The following NOC2L variants were observed in gnomAD, a reference collection of about 807,000 sequenced individuals.
The protein encoded by NOC2L is nucleolar complex protein 2 homolog.
Under a neutral mutation model 94.2 loss-of-function variants are expected in NOC2L, and 101 were observed. The observed-to-expected ratio is 1.07, with a 90% confidence interval of 0.91 to 1.26. The LOEUF (loss-of-function observed/expected upper bound fraction) is 1.26. Ranked by LOEUF, NOC2L falls within the 50% of genes most tolerant of loss-of-function variation. NOC2L has a pLI of 0.00. For synonymous variants in NOC2L, 531 were observed against 413.4 expected, an observed-to-expected ratio of 1.28 and a Z score of -3.45; for missense variants, 1,076 against 980.1, an observed-to-expected ratio of 1.10 and a Z score of -1.31.
chr1:951,258 G>A lies in NOC2L; in HGVS notation c.1332-20C>T. 6.5e-7 allele frequency: 1 copy of A among 1,537,746 alleles called. No homozygotes were observed. Among genetic ancestry groups the A allele is most frequent in the Non-Finnish European group, 8.8e-7 (1 of 1,132,076 alleles). ...ATGAGCCTGGGGGTGGGAAGGCCGA[G>A]TGAGCAGAGGCCCCGGCTCTGGCAG... On this transcript the variant is annotated intron_variant, in intron 11 of 18. Transcript: ENST00000327044.
intron 8 of NOC2L, among the ~76,000 whole-genome samples, 160 bp from the exon 9 acceptor site, chr1:953,448 T>C (rs568519705): frequency 2.7e-4 from 41 of 152,322 alleles, no homozygotes; most frequent in Admixed American, 6.5e-4. Context: ...GTTACAGAAG[T>C]GAACAGAACA....
At chr1:953,688 C>G in intron 8 of NOC2L, 94 bp downstream of exon 8, 1 of 933,898 alleles carries the variant, frequency 1.1e-6, no homozygotes, top group East Asian at 2.5e-5. Context: ...GTGTGGGCAC[C>G]ACCTGTGCCC....
In NOC2L at chr1:944,453, T is replaced by TC; in HGVS notation, c.*240dup. 4 of 862,286 alleles carry TC rather than the reference T, an allele frequency of 4.6e-6. No individual in the cohort carries two copies. Among genetic ancestry groups the TC allele is most frequent in the East Asian group, 3.1e-5 (1 of 32,232 alleles). 53.4% of individuals were successfully genotyped at this position (862,286 alleles called of 1,614,324 possible). A position where few individuals can be genotyped will look rare whatever the true frequency, so the allele number is the denominator to read the frequency against. ...TCGGTCTGCTGACGTCAGGGTCAGC[T>TC]CCCCCGCGGAGCTGACTTCAGCAGC... On this transcript the variant is annotated 3_prime_UTR_variant, in exon 19 of 19. Coordinates refer to ENST00000327044, the MANE Select transcript of NOC2L (RefSeq NM_015658.4).
chr1:956,264 TGGCAGAGTGGAAA>T (rs1228666317), intron 4 of NOC2L, 49 bp from the exon 5 acceptor site: 1 of 1,603,810 alleles, frequency 6.2e-7, no homozygotes, highest in Non-Finnish European at 8.5e-7. Context: ...AGACTGCACT[TGGCAGAGTGGAAA>T]CGGCAGCCCC....
In NOC2L at chr1:953,742, G is replaced by A. The variant is rs571042358; in HGVS notation, c.888+40C>T. 2.0e-5 allele frequency: 29 copies of A among 1,462,968 alleles called. No individual in the cohort carries two copies. In the Middle Eastern group the frequency reaches 6.9e-4, roughly 35 times the overall value. The allele number at this position is 1,462,968 out of a possible 1,614,324, so 90.6% of individuals were successfully genotyped here. Reference sequence around the variant, plus strand: ...GGTGGGGGTAGCCGTGTGGCCCCCCGACCCCATGACAGACACAGGGAGGGG... The same window carrying A: ...GGTGGGGGTAGCCGTGTGGCCCCCCAACCCCATGACAGACACAGGGAGGGG... On this transcript the variant is annotated intron_variant, in intron 8 of 18. Coordinates refer to ENST00000327044, the MANE Select transcript of NOC2L (RefSeq NM_015658.4).
chr1:945,517 CCT>C lies in NOC2L; in HGVS notation c.2052_2053del (p.Gly685AspfsTer15), dbSNP rs749856860. 4 of 1,613,656 alleles carry C rather than the reference CCT, an allele frequency of 2.5e-6. No individual in the cohort carries two copies. The highest frequency in any genetic ancestry group is 2.5e-6 in the Non-Finnish European group (3 of 1,179,806). On this transcript the variant is annotated frameshift_variant and splice_region_variant, in exon 17 of 19. Coordinates refer to ENST00000327044, the MANE Select transcript of NOC2L (RefSeq NM_015658.4). LOFTEE classifies it high-confidence loss of function. The stretch of plus-strand genomic sequence containing the variant: ...CCCTGGGAGCACCACGCAGGCCCCA[CCT>C]CTCTCCGAGAATCCCTCGGTGTCGT...
Position 945,524 on chromosome 1 carries a change from C to A in NOC2L, c.2047G>T (p.Glu683Ter). Residue 683 changes from glutamate to a stop codon, truncating the protein, a stop_gained, in exon 17 of 19, where the codon GAG (glutamate) becomes TAG (stop). Transcript: ENST00000327044. LOFTEE classifies it high-confidence loss of function. Reference protein sequence around the residue: ...SEEDDTEGFSERGILRPLSTR... With the variant: ...SEEDDTEGFS ...AGCACCACGCAGGCCCCACCTCTCT[C>A]CGAGAATCCCTCGGTGTCGTCCTCT... 1 of 1,613,776 alleles carries A rather than the reference C, an allele frequency of 6.2e-7. No individual in the cohort carries two copies. The highest frequency in any genetic ancestry group is 8.5e-7 in the Non-Finnish European group (1 of 1,179,818).
intron 14 of NOC2L, 72 bp downstream of exon 14, chr1:948,059 C>T: frequency 1.6e-6 from 2 of 1,264,670 alleles, no homozygotes; most frequent in Non-Finnish European, 2.2e-6. Context: ...CACCTCCTAC[C>T]AGCCTGGGGC....
At chr1:946,696 C>T (rs933228224) in intron 14 of NOC2L, 151 bp from the exon 15 acceptor site, 2 of 902,902 alleles carry the variant, frequency 2.2e-6, no homozygotes, top group Admixed American at 2.7e-5. Flanking sequence ...ATAGCTGTTG[C>T]AGCTGGGATG....
chr1:954,072 G>C lies in NOC2L; in HGVS notation c.709C>G (p.Pro237Ala). ...VAKDSSRMLQ[P>A]SSSPLWGKLR... is the part of the protein sequence containing the mutation. Reference sequence around the variant, plus strand: ...TTCCCCCAGAGCGGGCTGCTGGACGGCTGCAGCATCCTGCAGAGAGACCAC... The same window carrying C: ...TTCCCCCAGAGCGGGCTGCTGGACGCCTGCAGCATCCTGCAGAGAGACCAC... Residue 237 changes from proline (P) to alanine (A), a missense_variant, in exon 7 of 19, where the codon CCG becomes GCG. Coordinates refer to ENST00000327044, the MANE Select transcript of NOC2L (RefSeq NM_015658.4). 1.2e-6 allele frequency: 2 copies of C among 1,611,308 alleles called. No homozygotes were observed. The highest frequency in any genetic ancestry group is 8.5e-7 in the Non-Finnish European group (1 of 1,178,512).
intron 11 of NOC2L, among the ~76,000 whole-genome samples, chr1:951,441 A>G (rs919131835): frequency 2.1e-5 from 3 of 145,376 alleles, no homozygotes; most frequent in Non-Finnish European, 3.0e-5. Context: ...TTATTTCAAC[A>G]CGGTGGCAGG....
rs534618296 is a variant in NOC2L at position 944,788 on chromosome 1, T to A, written c.2156A>T (p.Asp719Val). 1.9e-5 allele frequency: 31 copies of A among 1,590,302 alleles called. No individual in the cohort carries two copies. The Admixed American group carries it at 3.5e-4, about 18-fold the overall frequency. Residue 719 changes from aspartate (D) to valine (V), a missense_variant, in exon 19 of 19, where the codon GAC (aspartate) becomes GTC (valine). Transcript: ENST00000327044. ...CCCAGGGGCCAGCCCCGCCTCTGCG[T>A]CTGGGTCTCCATCTGCGGGGAGAGA... is the stretch of plus-strand genomic sequence containing the variant. ...DSSNSEDGDP[D>V]AEAGLAPGEL...
In NOC2L at chr1:952,151, G is replaced by A. The variant is rs1642277065; in HGVS notation, c.1192-12C>T. On this transcript the variant is annotated splice_polypyrimidine_tract_variant and intron_variant, in intron 10 of 18. Transcript: ENST00000327044. ...GACTGGTATGTTTCCTGGTCAGAGA[G>A]AACCACGTCAGCTACTGGCCAGGCT... 1 of 1,613,334 alleles carries A rather than the reference G, an allele frequency of 6.2e-7. No homozygotes were observed. The highest frequency in any genetic ancestry group is 8.5e-7 in the Non-Finnish European group (1 of 1,179,892).
At chr1:945,226 G>A (rs1216309019) in intron 17 of NOC2L, 80 bp from the exon 18 acceptor site, 16 of 1,498,140 alleles carry the variant, frequency 1.1e-5, no homozygotes, top group Non-Finnish European at 1.3e-5. Flanking sequence ...CAGGAGGGTG[G>A]CCAGGCTCCC....
chr1:958,650 C>T (rs764328756), intron 2 of NOC2L: 2 of 648,880 alleles, frequency 3.1e-6, no homozygotes, highest in Non-Finnish European at 2.9e-6. Flanking sequence ...TTCTACCGAA[C>T]TGCAGGCGGT....
At chr1:952,336 G>C in intron 10 of NOC2L, 76 bp downstream of exon 10, 5 of 1,551,796 alleles carry the variant, frequency 3.2e-6, no homozygotes, top group Admixed American at 3.5e-5. Flanking sequence ...GGAGGCCCCA[G>C]GCCCTGCCTT....
chr1:946,984 G>C (rs1642132614), intron 14 of NOC2L: 1 of 174,418 alleles, frequency 5.7e-6, no homozygotes, highest in Admixed American at 5.7e-5. Context: ...TTGAGCCCAG[G>C]AGATGGAGAT....
At position 951,235 on chromosome 1, in the gene NOC2L, G is replaced by A; in HGVS notation, c.1335C>T (p.Leu445=). Residue 445 remains leucine, a synonymous_variant, in exon 12 of 19, where the codon CTC becomes CTT. Coordinates refer to ENST00000327044, the MANE Select transcript of NOC2L (RefSeq NM_015658.4). Reference sequence around the variant, plus strand: ...GCGGGTAGAAGCGGGCAGTGGGGATGAGCCTGGGGGTGGGAAGGCCGAGTG... The same window carrying A: ...GCGGGTAGAAGCGGGCAGTGGGGATAAGCCTGGGGGTGGGAAGGCCGAGTG... ...LAQVIIGCIK[L]IPTARFYPLR... 6.3e-7 allele frequency: 1 copy of A among 1,577,850 alleles called. No individual in the cohort carries two copies. The highest frequency in any genetic ancestry group is 1.2e-5 in the South Asian group (1 of 86,234).
chr1:948,730 C>CCTTTGGCCCTGCACCTGGCTGCACCCTGG, intron 12 of NOC2L, 127 bp from the exon 13 acceptor site: 1 of 668,466 alleles, frequency 1.5e-6, no homozygotes, highest in Non-Finnish European at 2.7e-6. Flanking sequence ...CACCCTGGTC[C>CCTTTGGCCCTGCACCTGGCTGCACCCTGG]TCAGGCTTCA....
Sources: allele counts gnomAD v4.1 joint callset (sites outside exome capture counted in the v4.1 genomes callset), GRCh38; gene constraint gnomAD v4.1.1; transcripts MANE v1.5; gene names NCBI Gene and HGNC (gene_info 2026-07-23, HGNC 2026-07-21).